Variants in LARP1 observed in about 807,000 individuals in gnomAD.
LARP1 encodes the protein La ribonucleoprotein 1, translational regulator.
In LARP1, 36 loss-of-function variants were observed where a neutral mutation model predicts 122.7. That is an observed-to-expected ratio of 0.29 (90% CI 0.22 to 0.39). The LOEUF is 0.39. LARP1 is among the 10% of genes least tolerant of loss of function. The probability of loss-of-function intolerance (pLI) is 1.00; values close to 1 mark genes in which losing one functional copy is unlikely to be tolerated. For synonymous variants in LARP1, 539 were observed against 528.7 expected (o/e 1.02, Z -0.27); for missense variants, 1,040 against 1,403.6 (o/e 0.74, Z 4.14).
chr5:154,799,337 C>G, intron 8 of LARP1, among the ~76,000 whole-genome samples: 1 of 152,184 alleles, frequency 6.6e-6, no homozygotes, highest in Non-Finnish European at 1.5e-5. Flanking sequence ...CAAGTGTTCT[C>G]TAGAGCAGAT....
intron 1 of LARP1, among the ~76,000 whole-genome samples, chr5:154,738,446 G>T (rs1757034519): frequency 6.6e-6 from 1 of 152,166 alleles, no homozygotes; most frequent in East Asian, 1.9e-4. Flanking sequence ...ACAAAAATTA[G>T]CCAGGTTTGG....
chr5:154,721,224 A>G (rs781196663), intron 1 of LARP1, among the ~76,000 whole-genome samples: 1 of 151,860 alleles, frequency 6.6e-6, no homozygotes, highest in South Asian at 2.1e-4. Flanking sequence ...GTGCACGTCT[A>G]TAGTCCCAGC....
At chr5:154,727,495 G>C (rs79175688) in intron 1 of LARP1, among the ~76,000 whole-genome samples, 10,719 of 152,192 alleles carry the variant, frequency 0.07, 434 homozygotes, top group Middle Eastern at 0.11. Flanking sequence ...GGGTAGTTGT[G>C]GGGGAAGGGA....
At chr5:154,777,150 A>G (rs910814527) in intron 1 of LARP1, among the ~76,000 whole-genome samples, 5 of 152,176 alleles carry the variant, frequency 3.3e-5, no homozygotes, top group South Asian at 2.1e-4. Flanking sequence ...ATGTTCCTAT[A>G]CTGAATACTG....
intron 1 of LARP1, among the ~76,000 whole-genome samples, chr5:154,778,208 C>T (rs981154844): frequency 4.0e-5 from 6 of 149,120 alleles, no homozygotes; most frequent in African/African-American, 7.4e-5. Context: ...TGCAGTGAGC[C>T]GAGATCGCGC....
chr5:154,758,923 T>G (rs1416122512), intron 1 of LARP1, among the ~76,000 whole-genome samples: 3 of 152,246 alleles, frequency 2.0e-5, no homozygotes, highest in Non-Finnish European at 4.4e-5. Context: ...GATTTGCATT[T>G]TGGTTTTTTA....
intron 1 of LARP1, among the ~76,000 whole-genome samples, chr5:154,756,925 G>C (rs1753980589): frequency 6.6e-6 from 1 of 151,526 alleles, no homozygotes; most frequent in Non-Finnish European, 1.5e-5. Flanking sequence ...AGGCGGGTGA[G>C]GGGCCTGCGG....
intron 1 of LARP1, among the ~76,000 whole-genome samples, chr5:154,773,421 A>C (rs867570802): frequency 6.6e-6 from 1 of 152,032 alleles, no homozygotes; most frequent in African/African-American, 2.4e-5. Context: ...GCACATACCC[A>C]GCTGCTACCT....
At chr5:154,798,531 T>G (rs914521931) in intron 8 of LARP1, among the ~76,000 whole-genome samples, 1 of 152,184 alleles carries the variant, frequency 6.6e-6, no homozygotes, top group Non-Finnish European at 1.5e-5. Context: ...ATGTTTTGGT[T>G]GTTTTTTTGA....
At chr5:154,684,240 T>C (rs1200452014) in intron 1 of LARP1, among the ~76,000 whole-genome samples, 1 of 151,996 alleles carries the variant, frequency 6.6e-6, no homozygotes, top group African/African-American at 2.4e-5. Flanking sequence ...CCCAGGAAAT[T>C]TGAGACCAGC....
chr5:154,725,001 C>T (rs1756112798), intron 1 of LARP1, among the ~76,000 whole-genome samples: 1 of 152,296 alleles, frequency 6.6e-6, no homozygotes, highest in Non-Finnish European at 1.5e-5. Flanking sequence ...AAACAGCCAG[C>T]CCTGTTGCCT....
At chr5:154,706,733 A>G (rs1017141200) in intron 1 of LARP1, among the ~76,000 whole-genome samples, 2 of 152,102 alleles carry the variant, frequency 1.3e-5, no homozygotes, top group African/African-American at 4.8e-5. Flanking sequence ...AGTTGGAAAA[A>G]AAAAAAACAA....
chr5:154,756,612 T>C (rs1753937539), intron 1 of LARP1: 1 of 599,390 alleles, frequency 1.7e-6, no homozygotes, highest in African/African-American at 2.0e-5. Context: ...GTTGCGAGCG[T>C]CCCCATGTTG....
In LARP1 at chr5:154,742,833, C is replaced by T. The variant is rs115766407; in HGVS notation, c.205+29703C>T. Among the ~76,000 whole-genome samples, 1,413 of 152,150 alleles carry T rather than the reference C, an allele frequency of 9.3e-3. 16 individuals carry two copies. The highest frequency in any genetic ancestry group is 0.032 in the African/African-American group (1,348 of 41,526). ...TTTCAGAAATAGGAAAATTGAGGTC[C>T]CAACAAGAAAAGGAACTTTTCTTGG... On this transcript the variant is annotated intron_variant, in intron 1 of 18. Transcript: ENST00000336314.
intron 1 of LARP1, among the ~76,000 whole-genome samples, chr5:154,714,975 T>G (rs904144324): frequency 2.6e-5 from 4 of 151,990 alleles, no homozygotes; most frequent in Non-Finnish European, 5.9e-5. Context: ...GTCAGGAGTT[T>G]GAGACCAGCT....
chr5:154,809,284 G>A (rs1332839073), intron 16 of LARP1, among the ~76,000 whole-genome samples: 4 of 150,124 alleles, frequency 2.7e-5, no homozygotes, highest in African/African-American at 9.8e-5. Flanking sequence ...GGGCTCAAGC[G>A]ATCGTTCTGC....
chr5:154,813,865 G>A (rs895482076), intron 18 of LARP1, 22 bp from the exon 19 acceptor site: 2 of 1,609,008 alleles, frequency 1.2e-6, no homozygotes, highest in African/African-American at 1.3e-5. Context: ...CTGATCACCT[G>A]TGACTCCTTC....
intron 1 of LARP1, among the ~76,000 whole-genome samples, chr5:154,764,309 CA>C (rs763026015): frequency 0.014 from 1,608 of 112,612 alleles, 13 homozygotes; most frequent in African/African-American, 0.038. Flanking sequence ...GACTTCATCT[CA>C]AAAAAAAAAA....
At chr5:154,793,765 C>A (rs1757525733) in intron 5 of LARP1, 35 bp from the exon 6 acceptor site, 1 of 1,614,038 alleles carries the variant, frequency 6.2e-7, no homozygotes, top group South Asian at 1.1e-5. Context: ...TTGGGAGACA[C>A]CCTCAGGCCT....
Sources: allele counts gnomAD v4.1 joint callset (sites outside exome capture counted in the v4.1 genomes callset), GRCh38; gene constraint gnomAD v4.1.1; transcripts MANE v1.5; gene names NCBI Gene and HGNC (gene_info 2026-07-23, HGNC 2026-07-21).